The following CFAP221 variants were observed in gnomAD, a reference collection of about 807,000 sequenced individuals.
CFAP221 encodes cilia- and flagella-associated protein 221.
CFAP221 carries 97 observed loss-of-function variants against 113.1 expected under a neutral mutation model. The observed-to-expected ratio is 0.86, with a 90% confidence interval of 0.73 to 1.02. The LOEUF (loss-of-function observed/expected upper bound fraction) is 1.02. Among genes scored for constraint, CFAP221 ranks in the 50% least tolerant of loss-of-function variants. The pLI, the probability that CFAP221 is intolerant of heterozygous loss-of-function variation, is 0.00. For synonymous variants in CFAP221, 331 were observed against 354.4 expected (o/e 0.93, Z 0.74); for missense variants, 1,025 against 1,013.4 (o/e 1.01, Z -0.16).
At chr2:119,586,877 C>G in intron 6 of CFAP221, 3 of 372,494 alleles carry the variant, frequency 8.1e-6, no homozygotes, top group Non-Finnish European at 9.5e-6. Context: ...GGAACACTTA[C>G]CCTCTCTTGT....
intron 6 of CFAP221, among the ~76,000 whole-genome samples, chr2:119,586,087 G>C (rs573577790): frequency 6.6e-6 from 1 of 152,140 alleles, no homozygotes; most frequent in African/African-American, 2.4e-5. Context: ...GGCCAGCCTC[G>C]AGGCAGGAGG....
At chr2:119,629,843 T>A (rs1686640409) in intron 16 of CFAP221, 32 bp from the exon 17 acceptor site, 2 of 1,521,170 alleles carry the variant, frequency 1.3e-6, no homozygotes, top group African/African-American at 2.8e-5. Context: ...TCAGTGGTGA[T>A]TGTTCTCTTT....
At chr2:119,573,749 C>T (rs1375415283) in intron 6 of CFAP221, among the ~76,000 whole-genome samples, 2 of 152,152 alleles carry the variant, frequency 1.3e-5, no homozygotes, top group Non-Finnish European at 2.9e-5. Context: ...AAAATTCTTC[C>T]ATACATTGTT....
At chr2:119,569,007 C>T (rs1681849914) in intron 6 of CFAP221, among the ~76,000 whole-genome samples, 1 of 152,012 alleles carries the variant, frequency 6.6e-6, no homozygotes, top group South Asian at 2.1e-4. Context: ...TTCCTCTCAA[C>T]ACTTTAAATA....
intron 14 of CFAP221, among the ~76,000 whole-genome samples, chr2:119,619,193 C>T (rs1685723983): frequency 6.6e-6 from 1 of 152,222 alleles, no homozygotes; most frequent in Non-Finnish European, 1.5e-5. Flanking sequence ...CCTGCTGGCT[C>T]TGAAGAGAGC....
intron 6 of CFAP221, among the ~76,000 whole-genome samples, chr2:119,578,721 G>A (rs968587464): frequency 4.6e-5 from 7 of 152,090 alleles, no homozygotes; most frequent in East Asian, 1.9e-4. Flanking sequence ...CCTAGTCATC[G>A]TGGAAAAAGT....
At position 119,601,210 on chromosome 2, in the gene CFAP221, C is replaced by T. The variant is rs1365602172; in HGVS notation, c.632-8C>T. 1.3e-6 allele frequency: 2 copies of T among 1,510,972 alleles called. No homozygotes were observed. 93.6% of individuals were successfully genotyped at this position (1,510,972 alleles called of 1,614,324 possible). Reference sequence around the variant, plus strand: ...GGGTATCACATTTTCTCATTTCTTTCCTCTCAGGAATAATTCCGGCTAATG... The same window carrying T: ...GGGTATCACATTTTCTCATTTCTTTTCTCTCAGGAATAATTCCGGCTAATG... On this transcript the variant is annotated splice_region_variant and splice_polypyrimidine_tract_variant and intron_variant, in intron 7 of 23. Transcript: ENST00000413369.
At chr2:119,616,686 C>T (rs1043495986) in intron 14 of CFAP221, among the ~76,000 whole-genome samples, 1 of 152,214 alleles carries the variant, frequency 6.6e-6, no homozygotes. Context: ...CCACACACAT[C>T]GTACTCATTC....
intron 14 of CFAP221, among the ~76,000 whole-genome samples, chr2:119,619,330 G>A (rs1014053353): frequency 1.3e-5 from 2 of 152,166 alleles, no homozygotes; most frequent in East Asian, 1.9e-4. Context: ...TACCTCATAC[G>A]GGAGAGCTCC....
At chr2:119,587,276 C>T (rs1414293009) in intron 7 of CFAP221, 54 bp downstream of exon 7, 8 of 1,280,812 alleles carry the variant, frequency 6.2e-6, no homozygotes, top group Non-Finnish European at 8.5e-6. Flanking sequence ...TGCATTCAAA[C>T]GTTATATTTT....
rs35631078 is a variant in CFAP221, at chr2:119,560,045, CTTT to C, written c.426+37_426+39del. The stretch of plus-strand genomic sequence containing the variant: ...CTGTAAGGTAGGTCTCTTAAAATTG[CTTT>C]TTTTTTTTTTTTTTTTTGATGGTGG... On this transcript the variant is annotated intron_variant, in intron 5 of 23. Coordinates refer to ENST00000413369, the MANE Select transcript of CFAP221 (RefSeq NM_001271049.2). 0.021 allele frequency: 17,539 copies of C among 844,668 alleles called. No homozygotes were observed. The highest frequency in any genetic ancestry group is 0.022 in the Non-Finnish European group (13,145 of 599,188). 52.3% of individuals were successfully genotyped at this position (844,668 alleles called of 1,614,324 possible). A position where few individuals can be genotyped will look rare whatever the true frequency, so the allele number is the denominator to read the frequency against.
chr2:119,608,475 G>A (rs1394826375), intron 11 of CFAP221, 27 bp from the exon 12 acceptor site: 2 of 1,429,500 alleles, frequency 1.4e-6, no homozygotes, highest in Non-Finnish European at 1.9e-6. Flanking sequence ...ATGGGTTCTG[G>A]ACACAGTTTT....
At chr2:119,627,929 GA>G in intron 16 of CFAP221, 143 bp downstream of exon 16, 1 of 1,156,978 alleles carries the variant, frequency 8.6e-7, no homozygotes, top group Non-Finnish European at 1.2e-6. Context: ...ATTACCAGTG[GA>G]AAACCAGGGA....
Position 119,629,935 on chromosome 2 carries a change from T to C in CFAP221, c.1711T>C (p.Tyr571His). 6.2e-7 allele frequency: 1 copy of C among 1,612,996 alleles called. No homozygotes were observed. Among genetic ancestry groups the C allele is most frequent in the Non-Finnish European group, 8.5e-7 (1 of 1,178,992 alleles). ...KSSEVQIKQSYSFFNLQVPQL... is the reference protein window; with the variant it reads ...KSSEVQIKQSHSFFNLQVPQL... The stretch of plus-strand genomic sequence containing the variant: ...TTCAGAAGTTCAAATCAAGCAGAGT[T>C]ATTCCTTCTTCAATCTGCAGGTCAG... Residue 571 changes from tyrosine to histidine, a missense_variant, in exon 17 of 24, where the codon TAT (tyrosine) becomes CAT (histidine). Physicochemically the swap from Tyr to His is moderately conservative, Grantham distance 83. Transcript: ENST00000413369.
rs1685172489 is a variant in CFAP221 at position 119,611,635 on chromosome 2, T to C, written c.1222-18T>C. The C allele has an allele frequency of 1.3e-6, 2 of 1,585,362 alleles. No individual in the cohort carries two copies. Reference sequence around the variant, plus strand: ...CATTTATATTCAACTTAAATTATTTTGATGATTAAAAACCCAGCTAGACAG... The same window carrying C: ...CATTTATATTCAACTTAAATTATTTCGATGATTAAAAACCCAGCTAGACAG... On this transcript the variant is annotated intron_variant, in intron 12 of 23. Transcript: ENST00000413369.
chr2:119,601,103 A>G, intron 7 of CFAP221, 115 bp from the exon 8 acceptor site: 1 of 1,050,720 alleles, frequency 9.5e-7, no homozygotes, highest in Non-Finnish European at 1.3e-6. Flanking sequence ...GTGGGGAGTC[A>G]GTGCCCCTAA....
In CFAP221 at chr2:119,651,970, G is replaced by T; in HGVS notation, c.2319-4G>T. The T allele has an allele frequency of 6.2e-7, 1 of 1,606,514 alleles. No homozygotes were observed. Among genetic ancestry groups the T allele is most frequent in the Non-Finnish European group, 8.5e-7 (1 of 1,175,134 alleles). ...TGCCCACTAAACATCTTATTACTTT[G>T]CAGTGAGCTCTGTGAGCAGAATGTA... On this transcript the variant is annotated splice_polypyrimidine_tract_variant and splice_region_variant and intron_variant, in intron 22 of 23. Transcript: ENST00000413369.
intron 6 of CFAP221, among the ~76,000 whole-genome samples, chr2:119,585,785 C>T (rs1191113183): frequency 6.6e-6 from 1 of 152,188 alleles, no homozygotes; most frequent in Non-Finnish European, 1.5e-5. Context: ...GCCTTTGGTC[C>T]ATGCGACACT....
intron 2 of CFAP221, among the ~76,000 whole-genome samples, chr2:119,547,707 C>G (rs1258861275): frequency 3.3e-5 from 5 of 152,150 alleles, no homozygotes; most frequent in Non-Finnish European, 7.3e-5. Context: ...CCCATTGTAG[C>G]TGTTCAGTTT....
Sources: gnomAD v4.1 joint callset for allele counts (sites outside exome capture counted in the v4.1 genomes callset) on GRCh38, gnomAD v4.1.1 for gene constraint, MANE v1.5 for transcripts, NCBI Gene and HGNC (gene_info 2026-07-23, HGNC 2026-07-21) for gene names.